The following TRPM3 variants were observed in gnomAD, a reference collection of about 807,000 sequenced individuals.
TRPM3 encodes transient receptor potential cation channel subfamily M member 3, also known as long transient receptor potential channel 3.
A neutral mutation model predicts 181.2 loss-of-function variants in TRPM3; 77 were observed. That is an observed-to-expected ratio of 0.42 (90% CI 0.35 to 0.51). The LOEUF is 0.51. TRPM3 is among the 20% of genes least tolerant of loss of function. TRPM3 has a pLI of 0.01. For synonymous variants in TRPM3, 745 were observed against 796.4 expected, an observed-to-expected ratio of 0.94 and a Z score of 1.09; for missense variants, 1,759 against 2,196.7, an observed-to-expected ratio of 0.80 and a Z score of 3.98.
intron 5 of TRPM3, among the ~76,000 whole-genome samples, chr9:70,829,183 C>G (rs74443778): frequency 0.018 from 2,743 of 152,206 alleles, 82 homozygotes; most frequent in African/African-American, 0.063. Flanking sequence ...TTGAGATGCT[C>G]TTGTTCTTTT....
chr9:70,700,249 C>T (rs560562745), intron 8 of TRPM3, among the ~76,000 whole-genome samples: 9 of 152,280 alleles, frequency 5.9e-5, no homozygotes, highest in South Asian at 2.1e-4. Flanking sequence ...TCCCAAAGTG[C>T]GGGGATTATA....
chr9:70,655,324 A>G (rs939701712), intron 9 of TRPM3, among the ~76,000 whole-genome samples: 1 of 150,440 alleles, frequency 6.6e-6, no homozygotes, highest in Non-Finnish European at 1.5e-5. Context: ...AAAAAAAAAA[A>G]AAAAAAGAAA....
At chr9:71,436,632 A>G (rs2094044839) in intron 1 of TRPM3, among the ~76,000 whole-genome samples, 1 of 152,022 alleles carries the variant, frequency 6.6e-6, no homozygotes, top group Non-Finnish European at 1.5e-5. Context: ...AGTCTTGAGT[A>G]TGTCTTTATC....
intron 1 of TRPM3, among the ~76,000 whole-genome samples, chr9:71,135,472 A>G (rs1458595099): frequency 6.6e-6 from 1 of 152,250 alleles, no homozygotes; most frequent in Non-Finnish European, 1.5e-5. Flanking sequence ...TATAATAAGA[A>G]TGATGCTGAT....
At chr9:71,026,083 G>A (rs572297077) in intron 1 of TRPM3, among the ~76,000 whole-genome samples, 2 of 152,306 alleles carry the variant, frequency 1.3e-5, no homozygotes, top group Admixed American at 6.5e-5. Context: ...AGAAGTAGTC[G>A]GGGCAGAACT....
chr9:71,351,870 G>GTTTTTTTTTTTTTTTTTTTT lies in TRPM3; in HGVS notation c.183+94782_183+94783insAAAAAAAAAAAAAAAAAAAA, dbSNP rs1398031517. Among the ~76,000 whole-genome samples the GTTTTTTTTTTTTTTTTTTTT allele has an allele frequency of 6.3e-5, 6 of 95,656 alleles. 2 individuals carry two copies. The highest frequency in any genetic ancestry group is 1.3e-4 in the Non-Finnish European group (6 of 46,776). The allele number at this position is 95,656 out of a possible 152,430, so 62.8% of individuals were successfully genotyped here. On this transcript the variant is annotated intron_variant, in intron 1 of 24. Coordinates refer to the TRPM3 transcript ENST00000357533. ...ATGGGAAGTTTTTGTTTGTTTGTTT[G>GTTTTTTTTTTTTTTTTTTTT]TTTTTGTTTTTTTTTTTTTTTTTGA... is the stretch of plus-strand genomic sequence containing the variant.
At chr9:71,188,738 G>A (rs1417669234) in intron 1 of TRPM3, among the ~76,000 whole-genome samples, 2 of 151,802 alleles carry the variant, frequency 1.3e-5, no homozygotes, top group Non-Finnish European at 2.9e-5. Context: ...TACCTGCAAA[G>A]AGTCAAATTA....
intron 1 of TRPM3, among the ~76,000 whole-genome samples, chr9:71,411,549 G>A (rs2093550296): frequency 6.6e-6 from 1 of 152,202 alleles, no homozygotes; most frequent in South Asian, 2.1e-4. Flanking sequence ...TACAAGGGAT[G>A]TGAAGGACCT....
chr9:70,910,205 T>C (rs945922047), intron 1 of TRPM3, among the ~76,000 whole-genome samples: 7 of 152,206 alleles, frequency 4.6e-5, no homozygotes, highest in African/African-American at 1.7e-4. Context: ...TGGAATACTA[T>C]GTAGCAGTGA....
intron 1 of TRPM3, among the ~76,000 whole-genome samples, chr9:71,426,083 A>G (rs935624632): frequency 6.6e-6 from 1 of 152,154 alleles, no homozygotes; most frequent in Admixed American, 6.5e-5. Flanking sequence ...GTATTTCACA[A>G]TTAGGTTTCA....
At position 71,348,731 on chromosome 9, in the gene TRPM3, AT is replaced by A. The variant is rs35504712; in HGVS notation, c.183+97921del. On this transcript the variant is annotated intron_variant, in intron 1 of 24. Coordinates refer to the TRPM3 transcript ENST00000357533. Reference sequence around the variant, plus strand: ...AGGTGCCCCCTACCAAGCCAGGCTAATTTTTTTTTTCGTATTTTTACTGGAA... The same window carrying A: ...AGGTGCCCCCTACCAAGCCAGGCTAATTTTTTTTTCGTATTTTTACTGGAA... Among the ~76,000 whole-genome samples, 24 of 148,540 alleles carry A rather than the reference AT, an allele frequency of 1.6e-4. No homozygotes were observed. In the East Asian group the frequency reaches 2.4e-3, roughly 15 times the overall value.
chr9:71,408,159 A>G (rs569262787), intron 1 of TRPM3, among the ~76,000 whole-genome samples: 2 of 152,338 alleles, frequency 1.3e-5, no homozygotes, highest in African/African-American at 4.8e-5. Context: ...CCAGAGCAGA[A>G]AAGTTGAAAA....
At chr9:70,760,213 C>A (rs933548060) in intron 8 of TRPM3, among the ~76,000 whole-genome samples, 1 of 151,756 alleles carries the variant, frequency 6.6e-6, no homozygotes, top group African/African-American at 2.4e-5. Context: ...TTGCTCCTAG[C>A]TGCCTTTCTA....
chr9:71,155,084 T>C (rs1056056357), intron 1 of TRPM3, among the ~76,000 whole-genome samples: 3 of 152,176 alleles, frequency 2.0e-5, no homozygotes, highest in African/African-American at 7.2e-5. Context: ...CTTTATCAAA[T>C]AGTATTAATT....
chr9:70,963,066 T>C (rs1255008371), intron 1 of TRPM3, among the ~76,000 whole-genome samples: 2 of 152,116 alleles, frequency 1.3e-5, no homozygotes, highest in Non-Finnish European at 2.9e-5. Context: ...AAAAGGAGAA[T>C]TAAGTGGTAG....
intron 1 of TRPM3, among the ~76,000 whole-genome samples, chr9:71,226,009 T>TAAAAAAAACAAAAAAAAAAA (rs2080591208): frequency 2.9e-5 from 1 of 34,706 alleles, no homozygotes; most frequent in East Asian, 7.9e-4. Context: ...CAACAAAAGG[T>TAAAAAAAACAAAAAAAAAAA]AAAAAAAAAA....
intron 8 of TRPM3, among the ~76,000 whole-genome samples, chr9:70,695,848 A>G (rs1390088008): frequency 6.6e-6 from 1 of 152,118 alleles, no homozygotes; most frequent in Non-Finnish European, 1.5e-5. Context: ...CCACATGGAG[A>G]ACCATGCAGG....
intron 9 of TRPM3, among the ~76,000 whole-genome samples, chr9:70,674,922 C>T (rs193184935): frequency 6.6e-6 from 1 of 151,276 alleles, no homozygotes; most frequent in African/African-American, 2.4e-5. Context: ...TTCTTTTTTC[C>T]CCTAAAGATA....
chr9:70,861,945 G>A (rs1294135523), intron 3 of TRPM3, among the ~76,000 whole-genome samples: 1 of 143,076 alleles, frequency 7.0e-6, no homozygotes, highest in Non-Finnish European at 1.5e-5. Flanking sequence ...GGGGTGGGGG[G>A]CAGGGAAAGG....
Sources: gnomAD v4.1 joint callset for allele counts (sites outside exome capture counted in the v4.1 genomes callset) on GRCh38, gnomAD v4.1.1 for gene constraint, MANE v1.5 for transcripts, NCBI Gene and HGNC (gene_info 2026-07-23, HGNC 2026-07-21) for gene names.